Variants in CAMK2D observed in about 807,000 individuals in gnomAD.
CAMK2D encodes calcium/calmodulin dependent protein kinase II delta, also known as calcium/calmodulin-dependent protein kinase type II subunit delta.
CAMK2D carries 37 observed loss-of-function variants against 84.0 expected under a neutral mutation model. The ratio of observed to expected loss-of-function variants is 0.44; its 90% confidence interval spans 0.34 to 0.58. The LOEUF (loss-of-function observed/expected upper bound fraction) is 0.58, where lower values mean the gene tolerates loss of function less well. Ranked by LOEUF, CAMK2D falls within the 20% of genes least tolerant of loss-of-function variation. The pLI is 0.02. For missense variants in CAMK2D, 448 were observed against 652.5 expected (o/e 0.69, Z 3.41); for synonymous variants, 202 against 212.5 (o/e 0.95, Z 0.43).
chr4:113,548,803 A>G, intron 5 of CAMK2D: 1 of 716,998 alleles, frequency 1.4e-6, no homozygotes. Context: ...ATGAAATAAA[A>G]TGAAAGTCCC....
Position 113,729,763 on chromosome 4 carries a change from C to T in CAMK2D, c.160+29557G>A, listed in dbSNP as rs145116327. On this transcript the variant is annotated intron_variant, in intron 2 of 20. Transcript: ENST00000511664. ...AAGGTGATTAGGTCATGAAGGCAGA[C>T]CTCTCATGAGTGGAATTAGTGTCCT... Among the ~76,000 whole-genome samples, 843 of 152,242 alleles carry T rather than the reference C, an allele frequency of 5.5e-3. 9 individuals carry two copies. Among genetic ancestry groups the T allele is most frequent in the African/African-American group, 0.019 (801 of 41,530 alleles).
At chr4:113,556,349 G>A (rs569603131) in intron 4 of CAMK2D, among the ~76,000 whole-genome samples, 1 of 152,304 alleles carries the variant, frequency 6.6e-6, no homozygotes, top group East Asian at 1.9e-4. Context: ...AGAAGGGTAA[G>A]ACAAGGGGCT....
chr4:113,552,520 T>C (rs1426233270), intron 4 of CAMK2D, among the ~76,000 whole-genome samples: 1 of 152,194 alleles, frequency 6.6e-6, no homozygotes, highest in Non-Finnish European at 1.5e-5. Flanking sequence ...TCCTTAAACA[T>C]GTATTTTTCC....
chr4:113,743,308 TCTC>T (rs761341799), intron 2 of CAMK2D, among the ~76,000 whole-genome samples: 1 of 152,164 alleles, frequency 6.6e-6, no homozygotes, highest in African/African-American at 2.4e-5. Flanking sequence ...AGATACCTCT[TCTC>T]CTTAAATCTT....
At chr4:113,511,507 T>G (rs953055698) in intron 12 of CAMK2D, among the ~76,000 whole-genome samples, 1 of 152,196 alleles carries the variant, frequency 6.6e-6, no homozygotes, top group Non-Finnish European at 1.5e-5. Flanking sequence ...TGTACAGTTT[T>G]AAATGTGAAG....
At chr4:113,673,567 A>T (rs974521350) in intron 2 of CAMK2D, among the ~76,000 whole-genome samples, 82 of 152,326 alleles carry the variant, frequency 5.4e-4, no homozygotes, top group Non-Finnish European at 2.2e-4. Flanking sequence ...CCCTAAGAGG[A>T]TTTATCCGAA....
chr4:113,603,337 T>C (rs193069840), intron 4 of CAMK2D, among the ~76,000 whole-genome samples: 8,665 of 147,658 alleles, frequency 0.059, 480 homozygotes, highest in East Asian at 0.18. Flanking sequence ...GCATTAGGTA[T>C]ATCTCCTAAA....
At chr4:113,755,449 A>C (rs554533759) in intron 2 of CAMK2D, among the ~76,000 whole-genome samples, 2 of 152,078 alleles carry the variant, frequency 1.3e-5, no homozygotes, top group Non-Finnish European at 2.9e-5. Context: ...CTTATTTTTT[A>C]ACCCTATACT....
chr4:113,716,737 A>C (rs1003767448), intron 2 of CAMK2D, among the ~76,000 whole-genome samples: 3 of 152,110 alleles, frequency 2.0e-5, no homozygotes, highest in African/African-American at 4.8e-5. Flanking sequence ...ACTTAATAAA[A>C]TTACTGCATA....
intron 8 of CAMK2D, among the ~76,000 whole-genome samples, chr4:113,524,487 T>G (rs529910232): frequency 1.3e-5 from 2 of 152,378 alleles, no homozygotes; most frequent in Admixed American, 6.5e-5. Context: ...TTTTTAAGGT[T>G]GTATAATATA....
intron 16 of CAMK2D, among the ~76,000 whole-genome samples, chr4:113,473,512 T>A (rs753461312): frequency 6.6e-6 from 1 of 152,200 alleles, no homozygotes; most frequent in Non-Finnish European, 1.5e-5. Context: ...TATTCAAATA[T>A]AAGACATGGC....
At chr4:113,684,052 A>G (rs1352048671) in intron 2 of CAMK2D, among the ~76,000 whole-genome samples, 1 of 152,176 alleles carries the variant, frequency 6.6e-6, no homozygotes, top group African/African-American at 2.4e-5. Flanking sequence ...AGAGATTTAT[A>G]TATAAAAAGT....
intron 16 of CAMK2D, among the ~76,000 whole-genome samples, chr4:113,476,323 T>C (rs1316646038): frequency 6.6e-6 from 1 of 152,188 alleles, no homozygotes; most frequent in African/African-American, 2.4e-5. Flanking sequence ...GAAAATTATT[T>C]ATACTTCCCA....
chr4:113,502,806 CA>C (rs2098073354), intron 15 of CAMK2D, 129 bp downstream of exon 15: 1 of 683,908 alleles, frequency 1.5e-6, no homozygotes, highest in Non-Finnish European at 2.6e-6. Flanking sequence ...AAATTAGGCC[CA>C]AAAGGAAGTG....
chr4:113,552,016 G>C lies in CAMK2D; in HGVS notation c.341+15C>G, dbSNP rs756698207. On this transcript the variant is annotated intron_variant, in intron 5 of 20. Transcript: ENST00000511664. ...AATGTTGAGTCTTGTATCTTGCCCA[G>C]GGCAAGTCACTTACCTGGCATCAGC... The C allele has an allele frequency of 1.5e-5, 22 of 1,432,478 alleles. No individual in the cohort carries two copies. The highest frequency in any genetic ancestry group is 2.1e-5 in the Non-Finnish European group (22 of 1,027,630). 88.7% of individuals were successfully genotyped at this position (1,432,478 alleles called of 1,614,324 possible). A position where few individuals can be genotyped will look rare whatever the true frequency, so the allele number is the denominator to read the frequency against.
chr4:113,693,459 A>T (rs1314195567), intron 2 of CAMK2D, among the ~76,000 whole-genome samples: 1 of 152,174 alleles, frequency 6.6e-6, no homozygotes, highest in East Asian at 1.9e-4. Flanking sequence ...TCACTTGCCA[A>T]GACCCAAATA....
intron 2 of CAMK2D, among the ~76,000 whole-genome samples, chr4:113,707,238 C>T (rs1053541207): frequency 6.6e-6 from 1 of 152,060 alleles, no homozygotes; most frequent in South Asian, 2.1e-4. Flanking sequence ...CTATCCATGC[C>T]CAGTTATGAT....
At chr4:113,614,330 T>G (rs990795413) in intron 3 of CAMK2D, among the ~76,000 whole-genome samples, 4 of 152,162 alleles carry the variant, frequency 2.6e-5, no homozygotes, top group African/African-American at 9.7e-5. Context: ...GGCAGTCAAT[T>G]ACATTGGTGG....
intron 3 of CAMK2D, among the ~76,000 whole-genome samples, chr4:113,632,888 T>C (rs1177561075): frequency 1.3e-5 from 2 of 152,190 alleles, no homozygotes. Flanking sequence ...CATCATAAAA[T>C]AATGTTCAAT....
Sources: gnomAD v4.1 joint callset for allele counts (sites outside exome capture counted in the v4.1 genomes callset) on GRCh38, gnomAD v4.1.1 for gene constraint, MANE v1.5 for transcripts, NCBI Gene and HGNC (gene_info 2026-07-23, HGNC 2026-07-21) for gene names.